Variants in CTNND1 observed in about 807,000 individuals in gnomAD.
The protein encoded by CTNND1 is catenin delta-1.
A neutral mutation model predicts 112.1 loss-of-function variants in CTNND1; 16 were observed. That is an observed-to-expected ratio of 0.14 (90% confidence interval 0.10 to 0.22). CTNND1 has a LOEUF of 0.22. CTNND1 is among the 10% of genes least tolerant of loss of function. CTNND1 has a pLI of 1.00. For missense variants in CTNND1, 1,008 were observed against 1,257.0 expected (o/e 0.80, Z 3.00); for synonymous variants, 420 against 446.5 (o/e 0.94, Z 0.75).
chr11:57,806,724 C>T (rs1439547488), intron 11 of CTNND1, 191 bp from the exon 12 acceptor site: 1 of 633,008 alleles, frequency 1.6e-6, no homozygotes, highest in East Asian at 2.7e-5. Flanking sequence ...TCTTACCTAT[C>T]TGCTGCCTGT....
intron 1 of CTNND1, among the ~76,000 whole-genome samples, chr11:57,767,222 G>T (rs1184370458): frequency 1.3e-5 from 2 of 152,046 alleles, no homozygotes; most frequent in Non-Finnish European, 2.9e-5. Context: ...CGCCTGCCTT[G>T]GCCTCCCAGA....
chr11:57,770,952 C>G (rs530394414), intron 1 of CTNND1, among the ~76,000 whole-genome samples: 1 of 152,212 alleles, frequency 6.6e-6, no homozygotes, highest in East Asian at 1.9e-4. Context: ...GGGGGAAGTT[C>G]TGTAACCTCA....
intron 2 of CTNND1, 91 bp from the exon 3 acceptor site, chr11:57,791,294 G>A (rs952315500): frequency 2.6e-6 from 3 of 1,135,264 alleles, no homozygotes; most frequent in South Asian, 3.2e-5. Flanking sequence ...GTAAAACCAC[G>A]AGAGGGCATC....
intron 3 of CTNND1, 58 bp downstream of exon 3, chr11:57,791,731 TATG>T: frequency 6.9e-7 from 1 of 1,451,108 alleles, no homozygotes; most frequent in Non-Finnish European, 9.1e-7. Context: ...ACAGAGAGGC[TATG>T]ATCCTTTTTG....
At chr11:57,808,655 C>T (rs1294575113) in intron 14 of CTNND1, 115 bp downstream of exon 14, 11 of 1,015,488 alleles carry the variant, frequency 1.1e-5, no homozygotes, top group Middle Eastern at 3.3e-4. Flanking sequence ...GACCCTCCCC[C>T]GCTTCATAGT....
rs561566048 is a variant in CTNND1, at chr11:57,803,005, A to G, written c.1421-616A>G. 2.0e-5 allele frequency among the ~76,000 whole-genome samples: 3 copies of G among 152,336 alleles called. No individual in the cohort carries two copies. The East Asian group carries it at 5.8e-4, about 29-fold the overall frequency. ...TGGTAAACATCCAACAATAGACAAGACAGCTCCTCATAACAAAGAATCATC... is the reference window on the plus strand; with the variant it reads ...TGGTAAACATCCAACAATAGACAAGGCAGCTCCTCATAACAAAGAATCATC... On this transcript the variant is annotated intron_variant, in intron 7 of 20. Coordinates refer to ENST00000399050, the MANE Select transcript of CTNND1 (RefSeq NM_001085458.2).
Position 57,808,155 on chromosome 11 carries a change from T to C in CTNND1, c.1964-10T>C, listed in dbSNP as rs779171418. 8.1e-6 allele frequency: 13 copies of C among 1,604,380 alleles called. No individual in the cohort carries two copies. In the East Asian group the frequency reaches 1.3e-4, roughly 17 times the overall value. On this transcript the variant is annotated splice_polypyrimidine_tract_variant and intron_variant, in intron 12 of 20. Coordinates refer to ENST00000399050, the MANE Select transcript of CTNND1 (RefSeq NM_001085458.2). Reference sequence around the variant, plus strand: ...TTAGCACCCTCTGCTTCTATTTCTCTTTTGTGCAGGCTATGAGCTCTTATT... The same window carrying C: ...TTAGCACCCTCTGCTTCTATTTCTCCTTTGTGCAGGCTATGAGCTCTTATT...
At chr11:57,789,765 G>A (rs891960970) in intron 2 of CTNND1, among the ~76,000 whole-genome samples, 5 of 152,178 alleles carry the variant, frequency 3.3e-5, no homozygotes, top group South Asian at 2.1e-4. Context: ...CATGCGTCCC[G>A]CGGGCCAAGG....
In CTNND1 at chr11:57,761,983, A is replaced by G. The variant is rs1196940368; in HGVS notation, c.-350A>G. 9 of 985,370 alleles carry G rather than the reference A, an allele frequency of 9.1e-6. No individual in the cohort carries two copies. Among genetic ancestry groups the G allele is most frequent in the Non-Finnish European group, 1.1e-5 (9 of 829,956 alleles). 61.0% of individuals were successfully genotyped at this position (985,370 alleles called of 1,614,324 possible). A position where few individuals can be genotyped will look rare whatever the true frequency, so the allele number is the denominator to read the frequency against. ...CTGCCCTGCTGGATTTGTCTTTCTC[A>G]GCACCTTGGCGAAGCCTTGGGTTTC... On this transcript the variant is annotated 5_prime_UTR_variant, in exon 1 of 21. Coordinates refer to ENST00000399050, the MANE Select transcript of CTNND1 (RefSeq NM_001085458.2).
chr11:57,794,592 C>A (rs1374987490), intron 4 of CTNND1, among the ~76,000 whole-genome samples: 2 of 150,836 alleles, frequency 1.3e-5, no homozygotes. Context: ...TGGAGACCAG[C>A]CTGACCAACA....
intron 7 of CTNND1, 86 bp from the exon 8 acceptor site, chr11:57,803,535 T>G: frequency 9.7e-7 from 1 of 1,031,836 alleles, no homozygotes. Flanking sequence ...GACTGAGAAG[T>G]GATACGATAG....
chr11:57,786,564 C>G (rs917149835), intron 1 of CTNND1, among the ~76,000 whole-genome samples: 1 of 152,032 alleles, frequency 6.6e-6, no homozygotes, highest in African/African-American at 2.4e-5. Flanking sequence ...ATGTAAGTGG[C>G]AAAGCTGGAA....
intron 11 of CTNND1, 62 bp downstream of exon 11, chr11:57,806,540 C>T: frequency 7.0e-7 from 1 of 1,424,626 alleles, no homozygotes; most frequent in Non-Finnish European, 9.7e-7. Flanking sequence ...TTTTAGCTTC[C>T]CTAGTATGTC....
chr11:57,778,186 C>A (rs1235331407), intron 1 of CTNND1, among the ~76,000 whole-genome samples: 2 of 151,610 alleles, frequency 1.3e-5, no homozygotes, highest in Non-Finnish European at 2.9e-5. Flanking sequence ...GATTAAACTG[C>A]CTCTTTGTAG....
chr11:57,794,602 A>G lies in CTNND1; in HGVS notation c.267+521A>G, dbSNP rs983018438. Among the ~76,000 whole-genome samples, 9 of 151,368 alleles carry G rather than the reference A, an allele frequency of 5.9e-5. No homozygotes were observed. The South Asian group carries it at 8.4e-4, about 14-fold the overall frequency. On this transcript the variant is annotated intron_variant, in intron 4 of 20. Coordinates refer to ENST00000399050, the MANE Select transcript of CTNND1 (RefSeq NM_001085458.2). ...GGAGTTGGAGACCAGCCTGACCAACATGGAGAAACCCCGTCTCTACTGAAA... is the reference window on the plus strand; with the variant it reads ...GGAGTTGGAGACCAGCCTGACCAACGTGGAGAAACCCCGTCTCTACTGAAA...
At chr11:57,784,450 G>A (rs1045291846) in intron 1 of CTNND1, among the ~76,000 whole-genome samples, 2 of 151,312 alleles carry the variant, frequency 1.3e-5, no homozygotes, top group African/African-American at 2.4e-5. Context: ...ACATGGAAAT[G>A]GAGTTTTGCC....
At chr11:57,807,605 CAAAAAAAAAAAAA>C (rs71470294) in intron 12 of CTNND1, among the ~76,000 whole-genome samples, 2 of 29,216 alleles carry the variant, frequency 6.8e-5, no homozygotes, top group South Asian at 1.7e-3. Context: ...AACTCCGTCT[CAAAAAAAAAAAAA>C]AAAAAAAAAA....
At chr11:57,811,171 T>C (rs1430409384) in intron 16 of CTNND1, among the ~76,000 whole-genome samples, 1 of 152,180 alleles carries the variant, frequency 6.6e-6, no homozygotes, top group Non-Finnish European at 1.5e-5. Context: ...TGTATTTTCT[T>C]CTGATAGTGT....
rs1375089467 is a variant in CTNND1, at chr11:57,791,579, G to A, written c.101G>A (p.Arg34Gln). Reference sequence around the variant, plus strand: ...CTGACCCGGGCGCTGGAGGAGGAACGGCGCCACGTCTCGGCGCAGCTGGAA... The same window carrying A: ...CTGACCCGGGCGCTGGAGGAGGAACAGCGCCACGTCTCGGCGCAGCTGGAA... Reference protein sequence around the residue: ...EKLTRALEEERRHVSAQLERV... With the variant: ...EKLTRALEEEQRHVSAQLERV... Residue 34 changes from arginine (R) to glutamine (Q), a missense_variant, in exon 3 of 21, where the codon CGG becomes CAG. Arg to Gln is a conservative substitution (Grantham distance 43). Around this residue, in one of 5 missense-constraint regions of CTNND1, gnomAD observed 404 missense variants for 457.9 expected, o/e 0.88. Coordinates refer to ENST00000399050, the MANE Select transcript of CTNND1 (RefSeq NM_001085458.2). 2.5e-6 allele frequency: 4 copies of A among 1,611,504 alleles called. No individual in the cohort carries two copies. Among genetic ancestry groups the A allele is most frequent in the Admixed American group, 1.7e-5 (1 of 59,520 alleles).
Sources: allele counts gnomAD v4.1 joint callset (sites outside exome capture counted in the v4.1 genomes callset), GRCh38; gene constraint gnomAD v4.1.1; regional missense constraint gnomAD v4.1.1; transcripts MANE v1.5; gene names NCBI Gene and HGNC (gene_info 2026-07-23, HGNC 2026-07-21).